FGB: variants seen among roughly 807,000 people sequenced by gnomAD.
FGB encodes the protein beta-fibrinogen.
A neutral mutation model predicts 57.9 loss-of-function variants in FGB; 25 were observed. That is an observed-to-expected ratio of 0.43 (90% confidence interval 0.31 to 0.60). The LOEUF is 0.60. FGB is among the 20% of genes least tolerant of loss of function. FGB has a pLI of 0.08. For missense variants in FGB, 536 were observed against 598.4 expected, an observed-to-expected ratio of 0.90 and a Z score of 1.09; for synonymous variants, 203 against 199.2, an observed-to-expected ratio of 1.02 and a Z score of -0.16.
At chr4:154,566,712 A>G in intron 3 of FGB, 40 bp downstream of exon 3, 1 of 1,589,574 alleles carries the variant, frequency 6.3e-7, no homozygotes, top group Non-Finnish European at 8.6e-7. Flanking sequence ...TTCAGCTATA[A>G]AATTGGAACC....
rs1256207408 is a variant in FGB at position 154,570,274 on chromosome 4, G to T, written c.1245-145G>T. The T allele has an allele frequency of 3.7e-5, 26 of 700,400 alleles. 1 individual carries two copies. The South Asian group carries it at 3.8e-4, about 10-fold the overall frequency. The allele number at this position is 700,400 out of a possible 1,614,324, so 43.4% of individuals were successfully genotyped here. On this transcript the variant is annotated intron_variant, in intron 7 of 7. Coordinates refer to ENST00000302068, the MANE Select transcript of FGB (RefSeq NM_005141.5). ...TTGCTATAGGGCACAGGAGGTCTTT[G>T]GTGTATTAGTGTGACTCTATGTATA...
At chr4:154,569,409 G>C in intron 6 of FGB, 102 bp downstream of exon 6, 1 of 1,582,332 alleles carries the variant, frequency 6.3e-7, no homozygotes, top group Middle Eastern at 1.7e-4. Flanking sequence ...CAGTTAAGAG[G>C]AGTTTCCTGA....
Position 154,571,054 on chromosome 4 carries a change from A to G in FGB, c.*404A>G, listed in dbSNP as rs917779460. 2 of 290,842 alleles carry G rather than the reference A, an allele frequency of 6.9e-6. No individual in the cohort carries two copies. The highest frequency in any genetic ancestry group is 1.3e-5 in the Non-Finnish European group (2 of 151,742). The allele number at this position is 290,842 out of a possible 1,614,324, so 18.0% of individuals were successfully genotyped here. On this transcript the variant is annotated 3_prime_UTR_variant, in exon 8 of 8. Transcript: ENST00000302068. ...TCTGTCAAAGAAAACTTCCAAAAAGATTTATTAATTAAACCAGACTCTGTT... is the reference window on the plus strand; with the variant it reads ...TCTGTCAAAGAAAACTTCCAAAAAGGTTTATTAATTAAACCAGACTCTGTT...
chr4:154,570,830 T>C lies in FGB; in HGVS notation c.*180T>C. 1.6e-6 allele frequency: 1 copy of C among 643,924 alleles called. No individual in the cohort carries two copies. Among genetic ancestry groups the C allele is most frequent in the Non-Finnish European group, 2.8e-6 (1 of 355,366 alleles). The allele number at this position is 643,924 out of a possible 1,614,324, so 39.9% of individuals were successfully genotyped here. On this transcript the variant is annotated 3_prime_UTR_variant, in exon 8 of 8. Transcript: ENST00000302068. ...TAGCACATGATTTTCTTTTGTTTTC[T>C]TCATTTCTCTTGCTCACCAAGAAGT...
Position 154,565,969 on chromosome 4 carries a change from T to A in FGB, c.276T>A (p.Ala92=). 1 of 1,613,816 alleles carries A rather than the reference T, an allele frequency of 6.2e-7. No homozygotes were observed. Among genetic ancestry groups the A allele is most frequent in the South Asian group, 1.1e-5 (1 of 91,074 alleles). Reference sequence around the variant, plus strand: ...AAGTAGAAAGAAAAGCCCCTGATGCTGGAGGCTGTCTTCACGCTGACCCAG... The same window carrying A: ...AAGTAGAAAGAAAAGCCCCTGATGCAGGAGGCTGTCTTCACGCTGACCCAG... ...QKKVERKAPD[A]GGCLHADPDL... Residue 92 remains alanine, a synonymous_variant, in exon 2 of 8, where the codon GCT becomes GCA. Transcript: ENST00000302068.
At chr4:154,563,429 C>G (rs938336551) in intron 1 of FGB, among the ~76,000 whole-genome samples, 2 of 151,756 alleles carry the variant, frequency 1.3e-5, no homozygotes, top group Non-Finnish European at 2.9e-5. Context: ...TCATTTACTT[C>G]TAGCAATACA....
chr4:154,570,765 G>T lies in FGB; in HGVS notation c.*115G>T. ...CTAAAACTCTCAAGCAGACGTGAGT[G>T]TGACTTTTTGAAAAAAGTATAGGAT... On this transcript the variant is annotated 3_prime_UTR_variant, in exon 8 of 8. Transcript: ENST00000302068. 1.3e-6 allele frequency: 1 copy of T among 797,192 alleles called. No homozygotes were observed. The highest frequency in any genetic ancestry group is 2.2e-6 in the Non-Finnish European group (1 of 458,444). The allele number at this position is 797,192 out of a possible 1,614,324, so 49.4% of individuals were successfully genotyped here.
Position 154,566,540 on chromosome 4 carries a change from G to C in FGB, c.358G>C (p.Glu120Gln). 1 of 1,614,130 alleles carries C rather than the reference G, an allele frequency of 6.2e-7. No individual in the cohort carries two copies. Among genetic ancestry groups the C allele is most frequent in the East Asian group, 2.2e-5 (1 of 44,876 alleles). Residue 120 changes from glutamate (E) to glutamine (Q), a missense_variant, in exon 3 of 8, where the codon GAA (glutamate) becomes CAA (glutamine). Glu to Gln is a conservative substitution (Grantham distance 29). Coordinates refer to ENST00000302068, the MANE Select transcript of FGB (RefSeq NM_005141.5). ...GTTGCAAGAGGCTTTGCTACAACAG[G>C]AAAGGCCAATCAGAAATAGTGTTGA... ...CQLQEALLQQ[E>Q]RPIRNSVDEL...
Position 154,570,886 on chromosome 4 carries a change from T to C in FGB, c.*236T>C, listed in dbSNP as rs1730395153. ...AAGTATAGTTTTGACAGAGTTGGTG[T>C]TCATAATTTCAGTTCTAGTTGATTG... On this transcript the variant is annotated 3_prime_UTR_variant, in exon 8 of 8. Transcript: ENST00000302068. 2 of 541,082 alleles carry C rather than the reference T, an allele frequency of 3.7e-6. No individual in the cohort carries two copies. The highest frequency in any genetic ancestry group is 6.6e-6 in the Non-Finnish European group (2 of 301,038). 33.5% of individuals were successfully genotyped at this position (541,082 alleles called of 1,614,324 possible). A position where few individuals can be genotyped will look rare whatever the true frequency, so the allele number is the denominator to read the frequency against.
In FGB at chr4:154,565,897, AG is replaced by A; in HGVS notation, c.206del (p.Gly69ValfsTer17). On this transcript the variant is annotated frameshift_variant, in exon 2 of 8. Transcript: ENST00000302068. LOFTEE classifies it high-confidence loss of function. ...LRPAPPPISG[G>X]GYRARPAKAA... The stretch of plus-strand genomic sequence containing the variant: ...GGCCTGCCCCACCGCCCATCAGTGG[AG>A]GTGGCTATCGGGCTCGTCCAGCCAA... 6.2e-7 allele frequency: 1 copy of A among 1,613,954 alleles called. No homozygotes were observed. The highest frequency in any genetic ancestry group is 8.5e-7 in the Non-Finnish European group (1 of 1,179,862).
In FGB at chr4:154,571,767, C is replaced by G. The variant is rs916981942; in HGVS notation, c.*1117C>G. Reference sequence around the variant, plus strand: ...AAATGGGCATATCATCTCAACACTTCACTCCAAGTCGCCACGGGCAACCTT... The same window carrying G: ...AAATGGGCATATCATCTCAACACTTGACTCCAAGTCGCCACGGGCAACCTT... On this transcript the variant is annotated 3_prime_UTR_variant, in exon 8 of 8. Transcript: ENST00000302068. 6.6e-6 allele frequency among the ~76,000 whole-genome samples: 1 copy of G among 152,182 alleles called. No homozygotes were observed. Among genetic ancestry groups the G allele is most frequent in the Non-Finnish European group, 1.5e-5 (1 of 68,032 alleles).
intron 1 of FGB, among the ~76,000 whole-genome samples, chr4:154,563,380 A>G (rs1317553735): frequency 6.6e-6 from 1 of 151,852 alleles, no homozygotes; most frequent in East Asian, 1.9e-4. Flanking sequence ...CTAATGTAAG[A>G]TGTGTTTTTC....
chr4:154,571,569 A>T lies in FGB; in HGVS notation c.*919A>T, dbSNP rs1172053568. On this transcript the variant is annotated 3_prime_UTR_variant, in exon 8 of 8. Coordinates refer to ENST00000302068, the MANE Select transcript of FGB (RefSeq NM_005141.5). ...CAGAGATTCCAAGAGGACAATCTGCATCAAGTCTTCACCAAGTGTTTTTTA... is the reference window on the plus strand; with the variant it reads ...CAGAGATTCCAAGAGGACAATCTGCTTCAAGTCTTCACCAAGTGTTTTTTA... Among the ~76,000 whole-genome samples, 1 of 152,134 alleles carries T rather than the reference A, an allele frequency of 6.6e-6. No individual in the cohort carries two copies. Among genetic ancestry groups the T allele is most frequent in the African/African-American group, 2.4e-5 (1 of 41,438 alleles).
chr4:154,569,908 C>A, intron 7 of FGB, 109 bp downstream of exon 7: 2 of 1,195,210 alleles, frequency 1.7e-6, no homozygotes, highest in South Asian at 1.3e-5. Context: ...TTACTGTCAG[C>A]CACTGTCCTA....
intron 2 of FGB, 27 bp from the exon 3 acceptor site, chr4:154,566,462 A>G (rs1414712173): frequency 6.2e-7 from 1 of 1,609,860 alleles, no homozygotes; most frequent in East Asian, 2.2e-5. Flanking sequence ...TCCTTCATCT[A>G]ATGCCTGCTA....
chr4:154,568,416 T>C lies in FGB; in HGVS notation c.754T>C (p.Ser252Pro). The C allele has an allele frequency of 6.2e-7, 1 of 1,606,784 alleles. No individual in the cohort carries two copies. Among genetic ancestry groups the C allele is most frequent in the Non-Finnish European group, 8.5e-7 (1 of 1,173,326 alleles). ...AATTATCAGGAAAGGAGGTGAAACA[T>C]CTGAAATGTATCTCATTCAACCTGA... ...EEIIRKGGETSEMYLIQPDSS... is the reference protein window; with the variant it reads ...EEIIRKGGETPEMYLIQPDSS... Residue 252 changes from serine to proline, a missense_variant, in exon 5 of 8, where the codon TCT (serine) becomes CCT (proline). By Grantham distance (74) the Ser-to-Pro change is moderately conservative (BLOSUM62 -1). Coordinates refer to ENST00000302068, the MANE Select transcript of FGB (RefSeq NM_005141.5).
Position 154,566,688 on chromosome 4 carries a change from C to T in FGB, c.490+16C>T. ...CAAGTAAAAGGTAGATATCCTTGTGCTTTCCATTCGATTTTCAGCTATAAA... is the reference window on the plus strand; with the variant it reads ...CAAGTAAAAGGTAGATATCCTTGTGTTTTCCATTCGATTTTCAGCTATAAA... On this transcript the variant is annotated intron_variant, in intron 3 of 7. Coordinates refer to ENST00000302068, the MANE Select transcript of FGB (RefSeq NM_005141.5). 1 of 1,612,416 alleles carries T rather than the reference C, an allele frequency of 6.2e-7. No individual in the cohort carries two copies. Among genetic ancestry groups the T allele is most frequent in the Non-Finnish European group, 8.5e-7 (1 of 1,178,754 alleles).
intron 4 of FGB, 149 bp downstream of exon 4, chr4:154,567,969 A>G (rs1578783698): frequency 1.4e-6 from 1 of 738,726 alleles, no homozygotes; most frequent in Non-Finnish European, 2.4e-6. Flanking sequence ...ATCCTTAGCC[A>G]GTTGTGTTTT....
intron 5 of FGB, among the ~76,000 whole-genome samples, chr4:154,568,796 G>T (rs1041663886): frequency 6.6e-6 from 1 of 151,064 alleles, no homozygotes; most frequent in Non-Finnish European, 1.5e-5. Context: ...CCACAACCTG[G>T]AGTCTTGATC....
Sources: allele counts gnomAD v4.1 joint callset (sites outside exome capture counted in the v4.1 genomes callset), GRCh38; gene constraint gnomAD v4.1.1; transcripts MANE v1.5; gene names NCBI Gene and HGNC (gene_info 2026-07-23, HGNC 2026-07-21).